IPO5: variants seen among roughly 807,000 people sequenced by gnomAD.
IPO5 encodes the protein importin-5.
A neutral mutation model predicts 143.3 loss-of-function variants in IPO5; 18 were observed. The observed-to-expected ratio is 0.13, with a 90% CI of 0.09 to 0.19. IPO5 has a LOEUF of 0.19. Among genes scored for constraint, IPO5 ranks in the 10% least tolerant of loss-of-function variants. The pLI is 1.00. For synonymous variants in IPO5, 477 were observed against 465.7 expected, an observed-to-expected ratio of 1.02 and a Z score of -0.31; for missense variants, 1,013 against 1,336.9, an observed-to-expected ratio of 0.76 and a Z score of 3.78.
At chr13:98,005,809 G>A (rs2139794518) in intron 16 of IPO5, among the ~76,000 whole-genome samples, 1 of 152,034 alleles carries the variant, frequency 6.6e-6, no homozygotes, top group East Asian at 1.9e-4. Context: ...TGAGGATGAA[G>A]TGTAGGCATT....
chr13:98,014,156 C>A lies in IPO5; in HGVS notation c.2267C>A (p.Ala756Asp). 6.2e-7 allele frequency: 1 copy of A among 1,613,296 alleles called. No homozygotes were observed. Among genetic ancestry groups the A allele is most frequent in the Non-Finnish European group, 8.5e-7 (1 of 1,179,350 alleles). Residue 756 changes from alanine (A) to aspartate (D), a missense_variant, in exon 22 of 29, where the codon GCC becomes GAC. By Grantham distance (126) the Ala-to-Asp change is moderately radical (BLOSUM62 -2). Coordinates refer to ENST00000651721, the MANE Select transcript of IPO5 (RefSeq NM_002271.6). ...WHFMCDALIKAIGTEPDSDVL... is the reference protein window; with the variant it reads ...WHFMCDALIKDIGTEPDSDVL... ...TTTATGTGTGATGCTCTAATTAAGG[C>A]CATTGGTACAGAACCAGATTCAGAC...
chr13:98,021,212 A>T (rs1421035090), intron 28 of IPO5, 79 bp downstream of exon 28: 1 of 1,273,300 alleles, frequency 7.9e-7, no homozygotes, highest in Admixed American at 2.6e-5. Context: ...AGAAACTAGA[A>T]ATCTAATGAG....
chr13:97,989,996 A>G (rs1016090151), intron 7 of IPO5, 130 bp from the exon 8 acceptor site: 26 of 619,926 alleles, frequency 4.2e-5, no homozygotes, highest in Non-Finnish European at 7.4e-5. Flanking sequence ...GAATGGGTAG[A>G]TGATGTTCAA....
At position 97,999,570 on chromosome 13, in the gene IPO5, C is replaced by G. The variant is rs1042799145; in HGVS notation, c.1002-969C>G. On this transcript the variant is annotated intron_variant, in intron 12 of 28. Transcript: ENST00000651721. ...ATTTTTTTAAGTCTAAAAACCTGTT[C>G]TGAAGATAATTTATAGTTTCATTTT... is the stretch of plus-strand genomic sequence containing the variant. Among the ~76,000 whole-genome samples, 4 of 152,226 alleles carry G rather than the reference C, an allele frequency of 2.6e-5. No homozygotes were observed. The East Asian group carries it at 7.7e-4, about 29-fold the overall frequency.
rs1477067788 is a variant in IPO5 at position 97,982,531 on chromosome 13, C to T, written c.119C>T (p.Ser40Leu). Residue 40 changes from serine to leucine, a missense_variant, in exon 5 of 29, where the codon TCA becomes TTA. Ser to Leu is a moderately radical substitution (Grantham distance 145, BLOSUM62 -2). Around this residue, in one of 2 missense-constraint regions of IPO5, gnomAD observed 328 missense variants for 342.0 expected, o/e 0.96. Transcript: ENST00000651721. ...EETYENIPGQ[S>L]KITFLLQAIR... ...ACCTATGAGAATATCCCAGGCCAGT[C>T]AAAGATCACATTCCTCTTACAAGCC... 1 of 1,612,736 alleles carries T rather than the reference C, an allele frequency of 6.2e-7. No homozygotes were observed. The highest frequency in any genetic ancestry group is 8.5e-7 in the Non-Finnish European group (1 of 1,179,106).
intron 26 of IPO5, among the ~76,000 whole-genome samples, chr13:98,019,098 G>T (rs573038371): frequency 2.6e-4 from 40 of 152,002 alleles, no homozygotes; most frequent in African/African-American, 9.6e-4. Flanking sequence ...GACTACAGGC[G>T]CATGCCACCA....
In IPO5 at chr13:98,022,857, T is replaced by C. The variant is rs2139896880; in HGVS notation, c.*1035T>C. 6.5e-6 allele frequency: 1 copy of C among 152,796 alleles called. No homozygotes were observed. The highest frequency in any genetic ancestry group is 1.9e-4 in the East Asian group (1 of 5,192). 9.5% of individuals were successfully genotyped at this position (152,796 alleles called of 1,614,324 possible). A position where few individuals can be genotyped will look rare whatever the true frequency, so the allele number is the denominator to read the frequency against. On this transcript the variant is annotated 3_prime_UTR_variant, in exon 29 of 29. Transcript: ENST00000651721. ...TAATTATAAGTGTTATGGCTAAAGTTATTTACTGAAAATTTCAGTAAAATG... is the reference window on the plus strand; with the variant it reads ...TAATTATAAGTGTTATGGCTAAAGTCATTTACTGAAAATTTCAGTAAAATG...
At chr13:97,986,629 C>A (rs545226337) in intron 6 of IPO5, among the ~76,000 whole-genome samples, 62 of 152,212 alleles carry the variant, frequency 4.1e-4, no homozygotes, top group African/African-American at 1.4e-3. Flanking sequence ...GGATTACAGG[C>A]ATGAGCCACT....
chr13:97,975,824 AC>A (rs1418844781), intron 3 of IPO5: 2 of 641,340 alleles, frequency 3.1e-6, no homozygotes, highest in African/African-American at 2.0e-5. Context: ...TCCGAAGACG[AC>A]CGCGGGCTGG....
chr13:98,013,698 C>A (rs1212953429), intron 21 of IPO5, among the ~76,000 whole-genome samples: 2 of 152,098 alleles, frequency 1.3e-5, no homozygotes, highest in Admixed American at 6.6e-5. Flanking sequence ...GGAAATACTT[C>A]AGTTGCTTTT....
chr13:98,017,120 T>G (rs1236879321), intron 25 of IPO5, among the ~76,000 whole-genome samples: 1 of 152,156 alleles, frequency 6.6e-6, no homozygotes, highest in African/African-American at 2.4e-5. Flanking sequence ...TATTTCAGAT[T>G]ATCTGTGCCC....
At chr13:98,013,401 A>G (rs886652887) in intron 21 of IPO5, among the ~76,000 whole-genome samples, 14 of 152,200 alleles carry the variant, frequency 9.2e-5, no homozygotes, top group Admixed American at 7.9e-4. Flanking sequence ...TTATGCCTTT[A>G]CACACGAGAG....
At chr13:98,001,210 C>T (rs1389451197) in intron 13 of IPO5, among the ~76,000 whole-genome samples, 1 of 152,044 alleles carries the variant, frequency 6.6e-6, no homozygotes. Context: ...TTTCAGTTAC[C>T]TTTGTACCTG....
At position 97,990,448 on chromosome 13, in the gene IPO5, G is replaced by T; in HGVS notation, c.580G>T (p.Ala194Ser). ...QEHPSIRTLS[A>S]RATAAFILAN... The stretch of plus-strand genomic sequence containing the variant: ...TTGATTTTAGATCAGGACGTTATCT[G>T]CTAGAGCTACAGCTGCATTTATACT... The change falls in exon 9 of 29, where the codon GCT becomes TCT. Residue 194 changes from alanine to serine, a missense_variant. Transcript: ENST00000651721. The T allele has an allele frequency of 1.2e-6, 2 of 1,600,096 alleles. No homozygotes were observed. Among genetic ancestry groups the T allele is most frequent in the Non-Finnish European group, 8.5e-7 (1 of 1,175,772 alleles).
intron 20 of IPO5, 42 bp from the exon 21 acceptor site, chr13:98,012,204 A>G (rs1889773308): frequency 8.7e-7 from 1 of 1,150,644 alleles, no homozygotes; most frequent in Non-Finnish European, 1.3e-6. Flanking sequence ...ATGCTTGAAG[A>G]CTAACATGAA....
chr13:98,021,256 C>T (rs1266750976), intron 28 of IPO5, 123 bp downstream of exon 28: 2 of 822,250 alleles, frequency 2.4e-6, no homozygotes, highest in African/African-American at 3.6e-5. Context: ...TTCATAGTCT[C>T]TTGTCTCCAA....
chr13:98,010,054 CTCTT>C (rs1889571534), intron 19 of IPO5, 41 bp downstream of exon 19: 1 of 1,613,394 alleles, frequency 6.2e-7, no homozygotes, highest in East Asian at 2.2e-5. Flanking sequence ...TAATAGTTCT[CTCTT>C]TGTTATTATT....
intron 25 of IPO5, 48 bp from the exon 26 acceptor site, chr13:98,018,437 C>T (rs1890263002): frequency 1.5e-6 from 2 of 1,303,584 alleles, no homozygotes; most frequent in Admixed American, 1.8e-5. Context: ...TCTTTACATT[C>T]TTTGTGTACA....
chr13:97,985,047 A>G (rs920132537), intron 5 of IPO5, among the ~76,000 whole-genome samples: 1 of 152,176 alleles, frequency 6.6e-6, no homozygotes, highest in Non-Finnish European at 1.5e-5. Context: ...TTGGGTGGGA[A>G]AGGCGCTTGA....
Sources: gnomAD v4.1 joint callset for allele counts (sites outside exome capture counted in the v4.1 genomes callset) on GRCh38, gnomAD v4.1.1 for gene constraint, gnomAD v4.1.1 regional missense constraint, MANE v1.5 for transcripts, NCBI Gene and HGNC (gene_info 2026-07-23, HGNC 2026-07-21) for gene names.